CAMK2D: variants seen among roughly 807,000 people sequenced by gnomAD.
The protein encoded by CAMK2D is calcium/calmodulin dependent protein kinase II delta.
A neutral mutation model predicts 84.0 loss-of-function variants in CAMK2D; 37 were observed. The ratio of observed to expected loss-of-function variants is 0.44; its 90% confidence interval spans 0.34 to 0.58. CAMK2D has a LOEUF of 0.58. Ranked by LOEUF, CAMK2D falls within the 20% of genes least tolerant of loss-of-function variation. CAMK2D has a pLI of 0.02. For synonymous variants in CAMK2D, 202 were observed against 212.5 expected, an observed-to-expected ratio of 0.95 and a Z score of 0.43; for missense variants, 448 against 652.5, an observed-to-expected ratio of 0.69 and a Z score of 3.41.
intron 12 of CAMK2D, among the ~76,000 whole-genome samples, chr4:113,510,307 C>T (rs564749096): frequency 1.3e-5 from 2 of 152,168 alleles, no homozygotes; most frequent in South Asian, 2.1e-4. Context: ...TTCTTTTATA[C>T]ATTAAAATCA....
chr4:113,531,144 AT>A, intron 8 of CAMK2D, 71 bp downstream of exon 8: 1 of 793,036 alleles, frequency 1.3e-6, no homozygotes, highest in Non-Finnish European at 2.3e-6. Flanking sequence ...TCTATGACAG[AT>A]TGTTATAGCA....
chr4:113,675,769 A>C (rs1037244023), intron 2 of CAMK2D, among the ~76,000 whole-genome samples: 4 of 152,234 alleles, frequency 2.6e-5, no homozygotes, highest in African/African-American at 9.6e-5. Flanking sequence ...AATTAAAAAT[A>C]ATAACACCTT....
intron 14 of CAMK2D, 50 bp from the exon 15 acceptor site, chr4:113,503,027 T>C (rs765866774): frequency 1.5e-6 from 2 of 1,298,654 alleles, no homozygotes; most frequent in Admixed American, 1.7e-5. Flanking sequence ...GGTAAGTACA[T>C]TCTTTCTAGT....
At chr4:113,456,394 C>T (rs760967296) in intron 19 of CAMK2D, among the ~76,000 whole-genome samples, 1 of 152,170 alleles carries the variant, frequency 6.6e-6, no homozygotes, top group Non-Finnish European at 1.5e-5. Flanking sequence ...TACCAATAAG[C>T]CTATTTTCAA....
rs2099641709 is a variant in CAMK2D, at chr4:113,761,698, C to G, written c.-630G>C. The G allele has an allele frequency of 1.0e-6, 1 of 972,424 alleles. No individual in the cohort carries two copies. Among genetic ancestry groups the G allele is most frequent in the African/African-American group, 1.8e-5 (1 of 56,946 alleles). The allele number at this position is 972,424 out of a possible 1,614,324, so 60.2% of individuals were successfully genotyped here. A position where few individuals can be genotyped will look rare whatever the true frequency, so the allele number is the denominator to read the frequency against. ...GGCACCTTGGCGGCCTCGCGCTGCT[C>G]ACGAGCCCGCGCGGCTTCAAGACGG... On this transcript the variant is annotated 5_prime_UTR_variant, in exon 1 of 21. Coordinates refer to ENST00000511664, the MANE Select transcript of CAMK2D (RefSeq NM_001321571.2).
chr4:113,469,412 A>G (rs2097520301), intron 16 of CAMK2D, among the ~76,000 whole-genome samples: 2 of 152,078 alleles, frequency 1.3e-5, no homozygotes, highest in South Asian at 2.1e-4. Flanking sequence ...ACATGTTCTC[A>G]TTCTCATTTG....
At chr4:113,611,717 T>G (rs1293527684) in intron 3 of CAMK2D, among the ~76,000 whole-genome samples, 1 of 149,094 alleles carries the variant, frequency 6.7e-6, no homozygotes, top group Non-Finnish European at 1.5e-5. Context: ...AATTATTTTT[T>G]GAACAAGTCA....
At chr4:113,496,787 ACT>A (rs1479800239) in intron 16 of CAMK2D, among the ~76,000 whole-genome samples, 2 of 149,064 alleles carry the variant, frequency 1.3e-5, no homozygotes, top group Non-Finnish European at 3.0e-5. Flanking sequence ...TCTCCATGAC[ACT>A]GAGTTTGCTG....
intron 2 of CAMK2D, among the ~76,000 whole-genome samples, chr4:113,674,474 T>C (rs903756955): frequency 2.0e-5 from 3 of 152,316 alleles, no homozygotes; most frequent in Admixed American, 1.3e-4. Context: ...TAAGAGCTTA[T>C]TGCAACTCTG....
chr4:113,469,505 C>G (rs916155324), intron 16 of CAMK2D, among the ~76,000 whole-genome samples: 5 of 152,170 alleles, frequency 3.3e-5, no homozygotes, highest in African/African-American at 7.2e-5. Context: ...TTATCTCATG[C>G]TGCATCCCTA....
intron 16 of CAMK2D, among the ~76,000 whole-genome samples, chr4:113,490,146 A>C (rs1284209156): frequency 6.9e-6 from 1 of 145,856 alleles, no homozygotes; most frequent in African/African-American, 2.6e-5. Context: ...CTTTAGTTTA[A>C]TTAGATCCCA....
chr4:113,748,904 G>A (rs2099610799), intron 2 of CAMK2D, among the ~76,000 whole-genome samples: 1 of 151,606 alleles, frequency 6.6e-6, no homozygotes, highest in Non-Finnish European at 1.5e-5. Context: ...TATTTCAGAG[G>A]TATGTCTGAA....
intron 16 of CAMK2D, among the ~76,000 whole-genome samples, chr4:113,494,572 A>G (rs1373240547): frequency 2.0e-5 from 3 of 152,224 alleles, no homozygotes; most frequent in East Asian, 1.9e-4. Context: ...TTAAGTCTGC[A>G]GAGATTACTG....
At chr4:113,752,374 A>G (rs1413103354) in intron 2 of CAMK2D, among the ~76,000 whole-genome samples, 2 of 152,168 alleles carry the variant, frequency 1.3e-5, no homozygotes, top group Admixed American at 1.3e-4. Flanking sequence ...GTGTACCTTT[A>G]TACTACTTGC....
At chr4:113,608,140 A>G (rs1389501735) in intron 4 of CAMK2D, among the ~76,000 whole-genome samples, 1 of 152,228 alleles carries the variant, frequency 6.6e-6, no homozygotes, top group Non-Finnish European at 1.5e-5. Flanking sequence ...AAAATGTGGT[A>G]GTCAATTTCA....
intron 2 of CAMK2D, chr4:113,679,510 T>A: frequency 1.2e-6 from 1 of 865,584 alleles, no homozygotes; most frequent in South Asian, 5.3e-5. Context: ...ATTTTAAAAA[T>A]CAATAATAAC....
chr4:113,489,372 G>A (rs1205951421), intron 16 of CAMK2D, among the ~76,000 whole-genome samples: 22 of 114,402 alleles, frequency 1.9e-4, no homozygotes, highest in African/African-American at 9.9e-4. Flanking sequence ...TCCCACCTAT[G>A]AGTGAGAATA....
At chr4:113,538,584 C>T (rs145266938) in intron 6 of CAMK2D, among the ~76,000 whole-genome samples, 4,185 of 152,258 alleles carry the variant, frequency 0.027, 85 homozygotes, top group Non-Finnish European at 0.045. Flanking sequence ...AAAATTCAGT[C>T]AATCAAATTC....
chr4:113,626,591 C>A (rs190916910), intron 3 of CAMK2D, among the ~76,000 whole-genome samples: 1 of 152,178 alleles, frequency 6.6e-6, no homozygotes, highest in East Asian at 1.9e-4. Flanking sequence ...GAATGGATAG[C>A]CCAAGGAAGA....
Sources: allele counts gnomAD v4.1 joint callset (sites outside exome capture counted in the v4.1 genomes callset), GRCh38; gene constraint gnomAD v4.1.1; transcripts MANE v1.5; gene names NCBI Gene and HGNC (gene_info 2026-07-23, HGNC 2026-07-21).